GGCT: variants seen among roughly 807,000 people sequenced by gnomAD.
The protein encoded by GGCT is cytochrome c-releasing factor 21.
GGCT carries 20 observed loss-of-function variants against 22.1 expected under a neutral mutation model. The ratio of observed to expected loss-of-function variants is 0.91; its 90% CI spans 0.64 to 1.32. GGCT has a LOEUF of 1.32. Ranked by LOEUF, GGCT falls within the 40% of genes most tolerant of loss-of-function variation. The pLI, the probability that GGCT is intolerant of heterozygous loss-of-function variation, is 0.00. For missense variants in GGCT, 209 were observed against 223.5 expected (o/e 0.94, Z 0.41); for synonymous variants, 72 against 78.4 (o/e 0.92, Z 0.43).
At chr7:30,502,023 T>C (rs1435375187) in intron 1 of GGCT, among the ~76,000 whole-genome samples, 2 of 152,202 alleles carry the variant, frequency 1.3e-5, no homozygotes, top group South Asian at 2.1e-4. Flanking sequence ...CAGCGGAACA[T>C]AGGTAACCAC....
chr7:30,498,254 T>C (rs772851875), intron 3 of GGCT, among the ~76,000 whole-genome samples: 1 of 151,464 alleles, frequency 6.6e-6, no homozygotes, highest in Non-Finnish European at 1.5e-5. Context: ...GACTCACATA[T>C]ATTTCTAAAA....
intron 1 of GGCT, among the ~76,000 whole-genome samples, chr7:30,504,177 A>G (rs896045441): frequency 1.3e-5 from 2 of 152,236 alleles, no homozygotes; most frequent in African/African-American, 4.8e-5. Context: ...GATTTTCACA[A>G]TGCCAGGTGA....
At chr7:30,500,112 G>A (rs1026802365) in intron 2 of GGCT, among the ~76,000 whole-genome samples, 4 of 152,182 alleles carry the variant, frequency 2.6e-5, no homozygotes, top group Admixed American at 1.3e-4. Flanking sequence ...CATGTCCTCA[G>A]ATGCTTTTAC....
intron 2 of GGCT, among the ~76,000 whole-genome samples, chr7:30,500,116 C>A (rs1441937984): frequency 2.6e-5 from 4 of 152,170 alleles, no homozygotes; most frequent in Admixed American, 6.5e-5. Flanking sequence ...TCCTCAGATG[C>A]TTTTACAAAG....
chr7:30,499,453 T>C (rs1789643481), intron 2 of GGCT, among the ~76,000 whole-genome samples: 1 of 149,024 alleles, frequency 6.7e-6, no homozygotes. Flanking sequence ...CCTGTAATCC[T>C]AGCACTTTGG....
chr7:30,502,619 C>T (rs1179397549), intron 1 of GGCT, among the ~76,000 whole-genome samples: 1 of 152,168 alleles, frequency 6.6e-6, no homozygotes, highest in Non-Finnish European at 1.5e-5. Flanking sequence ...CCTCCCAAGC[C>T]GGATTTTCCT....
Position 30,497,196 on chromosome 7 carries a change from C to T in GGCT, c.463G>A (p.Glu155Lys). 2 of 1,611,422 alleles carry T rather than the reference C, an allele frequency of 1.2e-6. No individual in the cohort carries two copies. Among genetic ancestry groups the T allele is most frequent in the Non-Finnish European group, 1.7e-6 (2 of 1,178,724 alleles). Residue 155 changes from glutamate to lysine, a missense_variant, in exon 4 of 4, where the codon GAG (glutamate) becomes AAG (lysine). Physicochemically the swap from Glu to Lys is moderately conservative, Grantham distance 56. Transcript: ENST00000275428. ...MGAKENGLPL[E>K]YQEKLKAIEP... Reference sequence around the variant, plus strand: ...ATTGCTTTTAACTTCTCTTGATACTCCAGCGGCAAACCATTTTCTTTTGCA... The same window carrying T: ...ATTGCTTTTAACTTCTCTTGATACTTCAGCGGCAAACCATTTTCTTTTGCA...
intron 3 of GGCT, among the ~76,000 whole-genome samples, chr7:30,498,180 G>A (rs1789603252): frequency 1.9e-5 from 2 of 105,894 alleles, no homozygotes; most frequent in Admixed American, 9.7e-5. Flanking sequence ...TTATTGCCAG[G>A]CAAAAGAAAG....
chr7:30,497,872 G>T, intron 3 of GGCT: 1 of 1,448,468 alleles, frequency 6.9e-7, no homozygotes, highest in East Asian at 2.7e-5. Context: ...GATTCTGAAA[G>T]GCAGTGTGAC....
intron 3 of GGCT, 100 bp downstream of exon 3, chr7:30,498,703 G>A (rs1479298447): frequency 2.8e-6 from 3 of 1,057,804 alleles, no homozygotes; most frequent in Non-Finnish European, 4.2e-6. Context: ...ACAGGCATGA[G>A]CCACCACGTT....
intron 3 of GGCT, 92 bp downstream of exon 3, chr7:30,498,711 G>A (rs552899410): frequency 5.2e-6 from 6 of 1,163,922 alleles, no homozygotes; most frequent in East Asian, 2.3e-5. Flanking sequence ...GAGCCACCAC[G>A]TTGGGCCTAA....
At chr7:30,504,435 G>T in intron 1 of GGCT, 134 bp downstream of exon 1, 1 of 1,029,796 alleles carries the variant, frequency 9.7e-7, no homozygotes. Flanking sequence ...ACCCGCCCAG[G>T]AGGCGGAAGC....
chr7:30,498,404 C>T lies in GGCT; in HGVS notation c.423+399G>A, dbSNP rs538380954. ...ATAAATGTTTACATGGAATTTAAAA[C>T]ATACAAAACCTTTTATTTCTTTTTT... is the stretch of plus-strand genomic sequence containing the variant. On this transcript the variant is annotated intron_variant, in intron 3 of 3. Coordinates refer to ENST00000275428, the MANE Select transcript of GGCT (RefSeq NM_024051.4). 2.0e-5 allele frequency among the ~76,000 whole-genome samples: 3 copies of T among 152,034 alleles called. No homozygotes were observed. In the East Asian group the frequency reaches 5.8e-4, roughly 29 times the overall value.
At chr7:30,503,781 CTTTTTTTTTTTT>C (rs58105855) in intron 1 of GGCT, among the ~76,000 whole-genome samples, 2 of 68,560 alleles carry the variant, frequency 2.9e-5, no homozygotes, top group Admixed American at 2.2e-4. Context: ...TCAACACATT[CTTTTTTTTTTTT>C]TTTTTTTTTT....
Position 30,504,620 on chromosome 7 carries a change from C to T in GGCT, c.90G>A (p.Arg30=). 3 of 1,614,120 alleles carry T rather than the reference C, an allele frequency of 1.9e-6. No individual in the cohort carries two copies. The highest frequency in any genetic ancestry group is 3.3e-5 in the Admixed American group (2 of 60,036). Residue 30 remains arginine (R), a synonymous_variant, in exon 1 of 4, where the codon AGG becomes AGA. Transcript: ENST00000275428. ...FAYGSNLLTE[R]IHLRNPSAAF... is the part of the protein sequence containing the mutation. ...CCGCCGAGGGGTTTCGGAGGTGGAT[C>T]CTCTCTGTCAGCAGGTTGCTGCCGT...
chr7:30,501,275 C>T (rs146276027), intron 1 of GGCT, among the ~76,000 whole-genome samples: 114 of 152,258 alleles, frequency 7.5e-4, no homozygotes, highest in African/African-American at 2.0e-3. Context: ...AAGCAGGGGA[C>T]GAGCATGCCC....
In GGCT at chr7:30,497,328, G is replaced by C. The variant is rs1789570415; in HGVS notation, c.424-93C>G. ...CCACAGCTTTATTTGCCTTCTCAAA[G>C]TATGAAGTATTAGCTTTCAGATAAC... is the stretch of plus-strand genomic sequence containing the variant. On this transcript the variant is annotated intron_variant, in intron 3 of 3. Coordinates refer to ENST00000275428, the MANE Select transcript of GGCT (RefSeq NM_024051.4). 3 of 840,878 alleles carry C rather than the reference G, an allele frequency of 3.6e-6. No homozygotes were observed. The East Asian group carries it at 7.6e-5, about 21-fold the overall frequency. 52.1% of individuals were successfully genotyped at this position (840,878 alleles called of 1,614,324 possible). A position where few individuals can be genotyped will look rare whatever the true frequency, so the allele number is the denominator to read the frequency against.
At chr7:30,501,786 T>C (rs1258732879) in intron 1 of GGCT, among the ~76,000 whole-genome samples, 1 of 152,220 alleles carries the variant, frequency 6.6e-6, no homozygotes, top group African/African-American at 2.4e-5. Flanking sequence ...TTCAGGTTTA[T>C]ATTTTATCCC....
rs1469698715 is a variant in GGCT at position 30,498,810 on chromosome 7, T to C, written c.416A>G (p.Tyr139Cys). Reference protein sequence around the residue: ...NYESAPPSPQYKKIICMGAKE... With the variant: ...NYESAPPSPQCKKIICMGAKE... ...AGTCTGTAAATAGCTTACCTTTTTATACTGTGGGGATGGGGGAGCACTTTC... is the reference window on the plus strand; with the variant it reads ...AGTCTGTAAATAGCTTACCTTTTTACACTGTGGGGATGGGGGAGCACTTTC... The change falls in exon 3 of 4, where the codon TAT (tyrosine) becomes TGT (cysteine). Residue 139 changes from tyrosine (Y) to cysteine (C), a missense_variant. Tyr to Cys is a radical substitution (Grantham distance 194). Coordinates refer to ENST00000275428, the MANE Select transcript of GGCT (RefSeq NM_024051.4). 5.6e-6 allele frequency: 9 copies of C among 1,612,568 alleles called. No individual in the cohort carries two copies. Among genetic ancestry groups the C allele is most frequent in the Non-Finnish European group, 7.6e-6 (9 of 1,178,610 alleles).
Sources: allele counts gnomAD v4.1 joint callset (sites outside exome capture counted in the v4.1 genomes callset), GRCh38; gene constraint gnomAD v4.1.1; transcripts MANE v1.5; gene names NCBI Gene and HGNC (gene_info 2026-07-23, HGNC 2026-07-21).